Variants in CCDC150 observed in about 807,000 individuals in gnomAD.
CCDC150 encodes coiled-coil domain containing 150.
A neutral mutation model predicts 156.5 loss-of-function variants in CCDC150; 151 were observed. The observed-to-expected ratio is 0.97, with a 90% CI of 0.85 to 1.10. The LOEUF (loss-of-function observed/expected upper bound fraction) is 1.10, where lower values mean the gene tolerates loss of function less well. CCDC150 is among the 50% of genes least tolerant of loss of function. CCDC150 has a pLI of 0.00. For synonymous variants in CCDC150, 452 were observed against 429.4 expected, an observed-to-expected ratio of 1.05 and a Z score of -0.65; for missense variants, 1,312 against 1,268.1, an observed-to-expected ratio of 1.03 and a Z score of -0.53.
chr2:196,666,722 C>T lies in CCDC150; in HGVS notation c.766C>T (p.His256Tyr). ...STVEVERKQVHILQQNCIALR... is the reference protein window; with the variant it reads ...STVEVERKQVYILQQNCIALR... Reference sequence around the variant, plus strand: ...AGTTTTTCTTATACAATTTCAGGTGCACATTTTGCAGCAAAACTGCATTGC... The same window carrying T: ...AGTTTTTCTTATACAATTTCAGGTGTACATTTTGCAGCAAAACTGCATTGC... Residue 256 changes from histidine to tyrosine, a missense_variant, in exon 7 of 28, where the codon CAC (histidine) becomes TAC (tyrosine). His to Tyr is a moderately conservative substitution (Grantham distance 83). Transcript: ENST00000389175. 1.3e-6 allele frequency: 2 copies of T among 1,596,640 alleles called. No homozygotes were observed. Among genetic ancestry groups the T allele is most frequent in the Non-Finnish European group, 1.7e-6 (2 of 1,173,668 alleles).
At chr2:196,648,847 C>A (rs1056379488) in intron 2 of CCDC150, among the ~76,000 whole-genome samples, 2 of 152,090 alleles carry the variant, frequency 1.3e-5, no homozygotes, top group African/African-American at 4.8e-5. Context: ...CAATTTCATT[C>A]TTCTGTATGT....
intron 7 of CCDC150, 79 bp from the exon 8 acceptor site, chr2:196,669,754 A>G (rs193222574): frequency 1.2e-5 from 12 of 961,636 alleles, no homozygotes; most frequent in Non-Finnish European, 2.0e-5. Context: ...ATAGACATAA[A>G]ATATTTAAAG....
intron 4 of CCDC150, among the ~76,000 whole-genome samples, chr2:196,657,735 G>T (rs1693305798): frequency 6.6e-6 from 1 of 152,196 alleles, no homozygotes; most frequent in Non-Finnish European, 1.5e-5. Context: ...TCTAGGCAAT[G>T]TAATGGATGT....
chr2:196,704,538 C>T (rs929343858), intron 15 of CCDC150, among the ~76,000 whole-genome samples: 19 of 152,002 alleles, frequency 1.2e-4, no homozygotes, highest in African/African-American at 4.3e-4. Context: ...AGTAGTTATG[C>T]CAGTTTTAAA....
intron 13 of CCDC150, 124 bp downstream of exon 13, chr2:196,677,485 G>A (rs981389706): frequency 1.5e-6 from 1 of 679,624 alleles, no homozygotes; most frequent in Non-Finnish European, 2.6e-6. Flanking sequence ...GGAGAGCTAT[G>A]AAGCTGGATG....
At chr2:196,690,679 A>G (rs191898843) in intron 13 of CCDC150, among the ~76,000 whole-genome samples, 4 of 151,428 alleles carry the variant, frequency 2.6e-5, no homozygotes, top group East Asian at 1.9e-4. Flanking sequence ...CTCTTTTTCT[A>G]TTTGAATGCC....
chr2:196,708,301 C>G (rs1005794405), intron 15 of CCDC150, among the ~76,000 whole-genome samples: 1 of 152,148 alleles, frequency 6.6e-6, no homozygotes, highest in African/African-American at 2.4e-5. Context: ...GGCTTAAAGT[C>G]TGTTTTATCA....
intron 9 of CCDC150, among the ~76,000 whole-genome samples, 190 bp downstream of exon 9, chr2:196,672,627 A>C (rs1340671684): frequency 1.3e-5 from 2 of 152,134 alleles, no homozygotes; most frequent in African/African-American, 2.4e-5. Flanking sequence ...CGCTCTCCAA[A>C]TTCCTATGAT....
intron 17 of CCDC150, among the ~76,000 whole-genome samples, chr2:196,714,360 C>T (rs995582552): frequency 6.6e-6 from 1 of 152,142 alleles, no homozygotes; most frequent in African/African-American, 2.4e-5. Context: ...ATTAAAGGCT[C>T]AGGTGAATTG....
intron 13 of CCDC150, among the ~76,000 whole-genome samples, chr2:196,682,102 G>T (rs1694865277): frequency 6.6e-6 from 1 of 151,712 alleles, no homozygotes; most frequent in African/African-American, 2.4e-5. Context: ...TATTAATTTA[G>T]GTCTTTGATC....
At chr2:196,683,242 G>A (rs1478352129) in intron 13 of CCDC150, among the ~76,000 whole-genome samples, 1 of 151,920 alleles carries the variant, frequency 6.6e-6, no homozygotes, top group African/African-American at 2.4e-5. Context: ...GTTGAATTTT[G>A]TTAAATGCTT....
At chr2:196,702,926 A>G (rs1461932305) in intron 15 of CCDC150, among the ~76,000 whole-genome samples, 1 of 152,108 alleles carries the variant, frequency 6.6e-6, no homozygotes, top group Non-Finnish European at 1.5e-5. Context: ...CAGATGGGAG[A>G]GTGGGTGTTT....
intron 7 of CCDC150, among the ~76,000 whole-genome samples, chr2:196,668,115 G>A (rs183190975): frequency 1.3e-5 from 2 of 152,076 alleles, no homozygotes; most frequent in African/African-American, 4.8e-5. Context: ...TGGCTAACAC[G>A]GTGAAACCCC....
At chr2:196,676,115 A>G (rs1694486802) in intron 10 of CCDC150, 28 bp from the exon 11 acceptor site, 1 of 1,611,442 alleles carries the variant, frequency 6.2e-7, no homozygotes, top group Non-Finnish European at 8.5e-7. Flanking sequence ...GTGGAGCTTC[A>G]ACTTCTAATA....
intron 10 of CCDC150, 104 bp from the exon 11 acceptor site, chr2:196,676,039 T>G (rs1694478591): frequency 1.9e-6 from 2 of 1,065,452 alleles, no homozygotes; most frequent in Non-Finnish European, 2.8e-6. Flanking sequence ...AAATGAAACT[T>G]GTTTTTTTAA....
At chr2:196,726,185 C>CT (rs1303229833) in intron 22 of CCDC150, 86 bp downstream of exon 22, 1 of 1,452,358 alleles carries the variant, frequency 6.9e-7, no homozygotes, top group East Asian at 2.4e-5. Flanking sequence ...TACAGTTGTT[C>CT]TTTGACTCCT....
At chr2:196,709,433 T>A (rs1371889351) in intron 15 of CCDC150, among the ~76,000 whole-genome samples, 4 of 152,184 alleles carry the variant, frequency 2.6e-5, no homozygotes, top group Non-Finnish European at 4.4e-5. Context: ...TTTAGCTTCC[T>A]TGCAATGGGT....
intron 25 of CCDC150, 147 bp downstream of exon 25, chr2:196,730,265 T>C (rs574872536): frequency 6.3e-6 from 4 of 630,698 alleles, no homozygotes; most frequent in Admixed American, 3.6e-5. Context: ...CTTAGAATAA[T>C]AGTATCTAGG....
intron 21 of CCDC150, among the ~76,000 whole-genome samples, chr2:196,724,199 A>G (rs1436379170): frequency 6.6e-6 from 1 of 152,186 alleles, no homozygotes; most frequent in African/African-American, 2.4e-5. Flanking sequence ...TATATAACAT[A>G]GGGCTATAAT....
Sources: allele counts gnomAD v4.1 joint callset (sites outside exome capture counted in the v4.1 genomes callset), GRCh38; gene constraint gnomAD v4.1.1; transcripts MANE v1.5; gene names NCBI Gene and HGNC (gene_info 2026-07-23, HGNC 2026-07-21).